Variants in NEGR1 observed in about 807,000 individuals in gnomAD.
The protein encoded by NEGR1 is neuronal growth regulator 1.
In NEGR1, 10 loss-of-function variants were observed where a neutral mutation model predicts 40.9. The ratio of observed to expected loss-of-function variants is 0.24; its 90% CI spans 0.15 to 0.42. The LOEUF (loss-of-function observed/expected upper bound fraction) is 0.42, where lower values mean the gene tolerates loss of function less well. NEGR1 is among the 10% of genes least tolerant of loss of function. The pLI is 1.00. For synonymous variants in NEGR1, 185 were observed against 166.8 expected, an observed-to-expected ratio of 1.11 and a Z score of -0.84; for missense variants, 352 against 438.9, an observed-to-expected ratio of 0.80 and a Z score of 1.77.
intron 6 of NEGR1, among the ~76,000 whole-genome samples, chr1:71,474,083 A>T (rs910898244): frequency 2.6e-5 from 4 of 152,010 alleles, no homozygotes; most frequent in African/African-American, 9.7e-5. Context: ...TCATTCAAAA[A>T]TCCTGGACAA....
chr1:71,764,765 G>C (rs747219947), intron 3 of NEGR1, among the ~76,000 whole-genome samples: 4 of 152,146 alleles, frequency 2.6e-5, no homozygotes, highest in Admixed American at 6.5e-5. Flanking sequence ...ATTCCACATT[G>C]ACTATTCTAT....
intron 1 of NEGR1, among the ~76,000 whole-genome samples, chr1:72,117,072 C>T (rs1649610702): frequency 1.3e-5 from 2 of 151,690 alleles, no homozygotes; most frequent in Admixed American, 1.3e-4. Flanking sequence ...CACTGCAAGC[C>T]ATTTTAAGCT....
intron 6 of NEGR1, chr1:71,408,654 A>G (rs1267514714): frequency 1.3e-5 from 2 of 151,970 alleles, no homozygotes; most frequent in African/African-American, 4.8e-5. Context: ...ACTGATTCTC[A>G]TTTACCATAA....
At chr1:71,691,965 C>A (rs576296355) in intron 4 of NEGR1, among the ~76,000 whole-genome samples, 3 of 151,468 alleles carry the variant, frequency 2.0e-5, no homozygotes, top group African/African-American at 7.2e-5. Context: ...TCAGTGAAAC[C>A]CCAAGGTTGA....
At chr1:71,848,859 G>A (rs574003622) in intron 2 of NEGR1, among the ~76,000 whole-genome samples, 5 of 152,182 alleles carry the variant, frequency 3.3e-5, no homozygotes, top group Admixed American at 1.3e-4. Flanking sequence ...AGGCCGAGGC[G>A]GGTGGATCAC....
At chr1:72,201,037 T>C (rs1205931974) in intron 1 of NEGR1, among the ~76,000 whole-genome samples, 1 of 151,792 alleles carries the variant, frequency 6.6e-6, no homozygotes, top group Admixed American at 6.6e-5. Flanking sequence ...ATTTGATATA[T>C]GAATGGGTAA....
intron 6 of NEGR1, among the ~76,000 whole-genome samples, chr1:71,450,411 A>G (rs1373568902): frequency 2.0e-5 from 3 of 152,232 alleles, no homozygotes; most frequent in South Asian, 2.1e-4. Flanking sequence ...CGTAAATACT[A>G]TATATAACTA....
chr1:72,073,442 T>A (rs942426313), intron 1 of NEGR1, among the ~76,000 whole-genome samples: 2 of 152,144 alleles, frequency 1.3e-5, no homozygotes, highest in Admixed American at 1.3e-4. Context: ...TCTCTATGTA[T>A]CTGTGCAACG....
intron 1 of NEGR1, among the ~76,000 whole-genome samples, chr1:72,179,606 A>C (rs754106625): frequency 3.9e-5 from 6 of 152,078 alleles, no homozygotes; most frequent in African/African-American, 7.2e-5. Context: ...TGCAAAGGAA[A>C]GTTTAATAAA....
At chr1:72,051,900 G>C (rs950834547) in intron 1 of NEGR1, among the ~76,000 whole-genome samples, 3 of 151,450 alleles carry the variant, frequency 2.0e-5, no homozygotes, top group African/African-American at 7.3e-5. Context: ...AGAATATGAA[G>C]TTTGTTTGTC....
intron 3 of NEGR1, among the ~76,000 whole-genome samples, chr1:71,736,652 T>C (rs758327702): frequency 6.6e-6 from 1 of 152,170 alleles, no homozygotes; most frequent in Non-Finnish European, 1.5e-5. Flanking sequence ...AGGAAATAGT[T>C]TGAATGGAGT....
rs1334917938 is a variant in NEGR1 at position 71,699,029 on chromosome 1, C to T, written c.536-890G>A. Among the ~76,000 whole-genome samples, 3 of 151,764 alleles carry T rather than the reference C, an allele frequency of 2.0e-5. No homozygotes were observed. The East Asian group carries it at 5.8e-4, about 29-fold the overall frequency. On this transcript the variant is annotated intron_variant, in intron 3 of 6. Transcript: ENST00000357731. Reference sequence around the variant, plus strand: ...ATTTCAAGAGAGGAGACCCTTCTACCTCCTTGCACAGGCCTTGAAAAAAAT... The same window carrying T: ...ATTTCAAGAGAGGAGACCCTTCTACTTCCTTGCACAGGCCTTGAAAAAAAT...
rs36097070 is a variant in NEGR1 at position 71,579,603 on chromosome 1, A to ATTT, written c.940+13211_940+13213dup. Among the ~76,000 whole-genome samples the ATTT allele has an allele frequency of 8.9e-3, 1,238 of 138,862 alleles. 25 individuals carry two copies. The highest frequency in any genetic ancestry group is 0.032 in the East Asian group (155 of 4,792). 91.1% of individuals were successfully genotyped at this position (138,862 alleles called of 152,430 possible). On this transcript the variant is annotated intron_variant, in intron 6 of 6. Transcript: ENST00000357731. ...ATACAAAATAATACAACTACTTAAG[A>ATTT]TTTTTTTTTTTTTTTTTGTAGTGGA... is the stretch of plus-strand genomic sequence containing the variant.
chr1:71,430,847 T>C (rs1025839771), intron 6 of NEGR1, among the ~76,000 whole-genome samples: 9 of 150,978 alleles, frequency 6.0e-5, no homozygotes, highest in South Asian at 4.2e-4. Context: ...GCAAGCTCCG[T>C]CTCCCGGGTT....
Position 71,416,054 on chromosome 1 carries a change from A to T in NEGR1, c.941-8484T>A, listed in dbSNP as rs1462749801. 2.0e-5 allele frequency among the ~76,000 whole-genome samples: 3 copies of T among 152,192 alleles called. No homozygotes were observed. In the East Asian group the frequency reaches 5.8e-4, roughly 29 times the overall value. On this transcript the variant is annotated intron_variant, in intron 6 of 6. Coordinates refer to ENST00000357731, the MANE Select transcript of NEGR1 (RefSeq NM_173808.3). ...GGGCATCATTTAGTTGAAGAAAAGA[A>T]GGTTTTACAGAAATAAAAATAGAAA...
intron 6 of NEGR1, among the ~76,000 whole-genome samples, chr1:71,544,698 G>A (rs61764985): frequency 0.012 from 1,791 of 151,752 alleles, 23 homozygotes; most frequent in Middle Eastern, 0.027. Context: ...TGACAGCCCC[G>A]TATAGGAGAT....
At chr1:71,609,496 C>T (rs1372832103) in intron 5 of NEGR1, among the ~76,000 whole-genome samples, 1 of 71,552 alleles carries the variant, frequency 1.4e-5, no homozygotes, top group African/African-American at 5.0e-5. Flanking sequence ...GCCTGGGCGA[C>T]AAACCAAGAC....
intron 6 of NEGR1, among the ~76,000 whole-genome samples, chr1:71,411,212 C>T (rs1226390592): frequency 6.6e-6 from 1 of 152,090 alleles, no homozygotes; most frequent in Non-Finnish European, 1.5e-5. Flanking sequence ...ATCATCTTTT[C>T]CTTTTGTATT....
chr1:72,037,145 C>A (rs1021497383), intron 1 of NEGR1, among the ~76,000 whole-genome samples: 5 of 152,050 alleles, frequency 3.3e-5, no homozygotes, highest in Non-Finnish European at 7.4e-5. Flanking sequence ...TAAATATTTT[C>A]TTCTTCCTTT....
Sources: allele counts gnomAD v4.1 joint callset (sites outside exome capture counted in the v4.1 genomes callset), GRCh38; gene constraint gnomAD v4.1.1; transcripts MANE v1.5; gene names NCBI Gene and HGNC (gene_info 2026-07-23, HGNC 2026-07-21).